Variants in DPP6 observed in about 807,000 individuals in gnomAD.
DPP6 encodes A-type potassium channel modulatory protein DPP6.
A neutral mutation model predicts 122.6 loss-of-function variants in DPP6; 69 were observed. The observed-to-expected ratio is 0.56, with a 90% CI of 0.46 to 0.69. The LOEUF (loss-of-function observed/expected upper bound fraction) is 0.69, where lower values mean the gene tolerates loss of function less well. DPP6 is among the 30% of genes least tolerant of loss of function. The pLI is 0.00. For synonymous variants in DPP6, 418 were observed against 433.1 expected (o/e 0.97, Z 0.43); for missense variants, 928 against 1,116.9 (o/e 0.83, Z 2.41).
chr7:154,250,110 G>A (rs1802253658), intron 1 of DPP6, among the ~76,000 whole-genome samples: 1 of 152,026 alleles, frequency 6.6e-6, no homozygotes, highest in African/African-American at 2.4e-5. Flanking sequence ...CATACCCCCT[G>A]CTTGCTCAAT....
intron 8 of DPP6, among the ~76,000 whole-genome samples, chr7:154,730,082 GT>G (rs1344092406): frequency 1.3e-5 from 2 of 152,202 alleles, no homozygotes; most frequent in Non-Finnish European, 2.9e-5. Context: ...TCAGTAGACT[GT>G]TGACAATGAG....
At chr7:154,315,311 C>T (rs2151006983) in intron 1 of DPP6, among the ~76,000 whole-genome samples, 1 of 152,274 alleles carries the variant, frequency 6.6e-6, no homozygotes, top group Non-Finnish European at 1.5e-5. Flanking sequence ...TTTGGCCCAG[C>T]AGGGCTTCAG....
intron 16 of DPP6, among the ~76,000 whole-genome samples, chr7:154,815,596 GT>G (rs1447851269): frequency 1.3e-5 from 2 of 152,206 alleles, no homozygotes; most frequent in Non-Finnish European, 2.9e-5. Context: ...AGGAAAGTGA[GT>G]TCCGTGTATG....
chr7:153,749,933 T>C, the DPP6 span, among the ~76,000 whole-genome samples: 1 of 152,242 alleles, frequency 6.6e-6, no homozygotes, highest in Non-Finnish European at 1.5e-5. The surrounding 1 kb of genome is among the most constrained non-coding windows in gnomAD (Gnocchi z 4.1). Context: ...CTTTACTCTG[T>C]CATCTTATTT....
chr7:154,805,713 A>T (rs529818650), intron 15 of DPP6, among the ~76,000 whole-genome samples: 1 of 152,106 alleles, frequency 6.6e-6, no homozygotes, highest in Admixed American at 6.5e-5. Flanking sequence ...CCTCTTCTAC[A>T]TTTAGTCCTG....
In DPP6 at chr7:154,282,274, T is replaced by C. The variant is rs1804567159; in HGVS notation, c.244-163940T>C. Among the ~76,000 whole-genome samples, 1 of 152,204 alleles carries C rather than the reference T, an allele frequency of 6.6e-6. No homozygotes were observed. The highest frequency in any genetic ancestry group is 1.5e-5 in the Non-Finnish European group (1 of 68,032). On this transcript the variant is annotated intron_variant, in intron 1 of 25. Transcript: ENST00000377770. The surrounding 1 kb of genome is among the most constrained non-coding windows in gnomAD (Gnocchi z 4.8). ...AGCTTTAGCCAGGCAGTGGTTTCCC[T>C]GTTGTACAATTCAATAGCCTGCATG...
rs187134989 is a variant in DPP6 at position 154,211,070 on chromosome 7, C to T, written c.243+158007C>T. On this transcript the variant is annotated intron_variant, in intron 1 of 25. Coordinates refer to ENST00000377770, the MANE Select transcript of DPP6 (RefSeq NM_130797.4). ...ATCCAGCTGGCACAGGTCATAGGAA[C>T]CCCGGGGTCTCAGCACTTCCCAGAT... is the stretch of plus-strand genomic sequence containing the variant. 2.0e-5 allele frequency among the ~76,000 whole-genome samples: 3 copies of T among 152,290 alleles called. No homozygotes were observed. The East Asian group carries it at 5.8e-4, about 29-fold the overall frequency.
chr7:154,408,298 C>T (rs1433336807), intron 1 of DPP6, among the ~76,000 whole-genome samples: 1 of 152,160 alleles, frequency 6.6e-6, no homozygotes, highest in Non-Finnish European at 1.5e-5. Context: ...CTCAAGGAGA[C>T]TATAACTTAA....
chr7:154,380,217 G>A (rs561051403), intron 1 of DPP6, among the ~76,000 whole-genome samples: 2 of 152,330 alleles, frequency 1.3e-5, no homozygotes, highest in East Asian at 3.9e-4. Flanking sequence ...TGTATTAGGT[G>A]TGGTAAAAGA....
At chr7:153,974,999 C>G (rs1461814067) in intron 1 of DPP6, among the ~76,000 whole-genome samples, 36 of 152,076 alleles carry the variant, frequency 2.4e-4, no homozygotes, top group East Asian at 9.7e-4. Context: ...TTGGCTAAGG[C>G]TTCGAATCCT....
chr7:153,874,522 T>G, the DPP6 span, among the ~76,000 whole-genome samples: 2 of 152,072 alleles, frequency 1.3e-5, no homozygotes, highest in African/African-American at 2.4e-5. Context: ...ATTGCAGGTG[T>G]GTGCCACTGT....
chr7:153,803,837 GTACATACACACACACACATATA>G, the DPP6 span, among the ~76,000 whole-genome samples: 1 of 145,582 alleles, frequency 6.9e-6, no homozygotes, highest in African/African-American at 2.6e-5. Context: ...ATGTGTATGT[GTACATACACACACACACATATA>G]TATATACACA....
chr7:154,381,051 C>T (rs1813556084), intron 1 of DPP6, among the ~76,000 whole-genome samples: 1 of 152,254 alleles, frequency 6.6e-6, no homozygotes, highest in South Asian at 2.1e-4. Flanking sequence ...CTGCCCTGGG[C>T]GTGGGGCTTC....
chr7:154,583,576 C>T (rs186191577), intron 5 of DPP6, among the ~76,000 whole-genome samples: 11 of 152,294 alleles, frequency 7.2e-5, no homozygotes, highest in Non-Finnish European at 1.3e-4. Flanking sequence ...CCACCCAAAA[C>T]GCGATACACT....
At chr7:153,786,688 G>A in the DPP6 span, among the ~76,000 whole-genome samples, 1 of 140,520 alleles carries the variant, frequency 7.1e-6, no homozygotes, top group East Asian at 2.2e-4. Flanking sequence ...GCAGTGAGCC[G>A]AGACCGCGCC....
intron 1 of DPP6, among the ~76,000 whole-genome samples, chr7:153,931,974 G>C (rs1003104932): frequency 6.6e-6 from 1 of 152,206 alleles, no homozygotes; most frequent in Non-Finnish European, 1.5e-5. Flanking sequence ...TAAGGAAACT[G>C]CTTCTCCTCA....
At chr7:154,769,362 T>C in intron 8 of DPP6, 55 bp from the exon 9 acceptor site, 1 of 1,604,856 alleles carries the variant, frequency 6.2e-7, no homozygotes, top group Non-Finnish European at 8.5e-7. Context: ...CTGGTGCAGC[T>C]CCAATTTCCA....
chr7:154,737,378 G>C (rs995757073), intron 8 of DPP6, among the ~76,000 whole-genome samples: 3 of 152,122 alleles, frequency 2.0e-5, no homozygotes, highest in African/African-American at 7.2e-5. Context: ...CATCCTCCGG[G>C]ATACTTTAAA....
the DPP6 span, among the ~76,000 whole-genome samples, chr7:153,759,656 C>T: frequency 5.3e-5 from 8 of 151,910 alleles, no homozygotes; most frequent in African/African-American, 1.5e-4. Flanking sequence ...AAGATGCTTG[C>T]AATGTGGATA....
Sources: gnomAD v4.1 joint callset for allele counts (sites outside exome capture counted in the v4.1 genomes callset) on GRCh38, gnomAD v4.1.1 for gene constraint, Gnocchi (gnomAD v3.1) non-coding constraint, MANE v1.5 for transcripts, NCBI Gene and HGNC (gene_info 2026-07-23, HGNC 2026-07-21) for gene names.